The following ZRANB3 variants were observed in gnomAD, a reference collection of about 807,000 sequenced individuals.
ZRANB3 encodes the protein DNA annealing helicase and endonuclease ZRANB3.
ZRANB3 carries 125 observed loss-of-function variants against 133.8 expected under a neutral mutation model. The observed-to-expected ratio is 0.93, with a 90% CI of 0.81 to 1.08. The LOEUF is 1.08. ZRANB3 is among the 50% of genes least tolerant of loss of function. The pLI, the probability that ZRANB3 is intolerant of heterozygous loss-of-function variation, is 0.00. For synonymous variants in ZRANB3, 387 were observed against 432.7 expected (o/e 0.89, Z 1.31); for missense variants, 1,229 against 1,275.5 (o/e 0.96, Z 0.56).
chr2:135,338,178 C>CA lies in ZRANB3; in HGVS notation c.677+7371dup, dbSNP rs199501784. Among the ~76,000 whole-genome samples, 222 of 151,798 alleles carry CA rather than the reference C, an allele frequency of 1.5e-3. 1 individual carries two copies. The East Asian group carries it at 0.028, about 19-fold the overall frequency. On this transcript the variant is annotated intron_variant, in intron 6 of 20. Transcript: ENST00000264159. The stretch of plus-strand genomic sequence containing the variant: ...CAAGAAGTTACATGGATCTAGCATA[C>CA]AAAAAAAACCCAGATCCAGTATTCA...
chr2:135,501,000 C>T (rs764608334), intron 2 of ZRANB3, among the ~76,000 whole-genome samples: 4 of 151,960 alleles, frequency 2.6e-5, no homozygotes, highest in Non-Finnish European at 5.9e-5. Flanking sequence ...GAGGGAATAG[C>T]TGAGAATTTC....
chr2:135,231,682 G>C (rs1348265695), intron 12 of ZRANB3, among the ~76,000 whole-genome samples: 1 of 152,180 alleles, frequency 6.6e-6, no homozygotes, highest in African/African-American at 2.4e-5. Context: ...CAGCTACTCG[G>C]GGAGCTGAGG....
intron 12 of ZRANB3, among the ~76,000 whole-genome samples, chr2:135,245,530 C>A (rs1467912053): frequency 1.3e-5 from 2 of 151,944 alleles, no homozygotes; most frequent in Non-Finnish European, 2.9e-5. Flanking sequence ...TGGCTCAATG[C>A]AACCTCCGCC....
At chr2:135,408,397 C>T (rs1688143715) in intron 2 of ZRANB3, among the ~76,000 whole-genome samples, 2 of 152,156 alleles carry the variant, frequency 1.3e-5, no homozygotes, top group Admixed American at 6.6e-5. Flanking sequence ...CTAGTTCAGC[C>T]ATTGTGGAAA....
chr2:135,530,226 G>A (rs1694438417), intron 1 of ZRANB3, among the ~76,000 whole-genome samples: 6 of 147,488 alleles, frequency 4.1e-5, no homozygotes. Context: ...AAAAAAAAAA[G>A]TGTGTCTGTA....
rs567885235 is a variant in ZRANB3 at position 135,437,445 on chromosome 2, T to A, written c.162-46625A>T. On this transcript the variant is annotated intron_variant, in intron 2 of 20. Coordinates refer to ENST00000264159, the MANE Select transcript of ZRANB3 (RefSeq NM_032143.4). ...ATGATGTACAAAGGCAGAACAGTAG[T>A]TTGGAGATGAGGGAACAGTGACTGG... is the stretch of plus-strand genomic sequence containing the variant. Among the ~76,000 whole-genome samples the A allele has an allele frequency of 1.9e-4, 29 of 152,104 alleles. 1 individual carries two copies. The highest frequency in any genetic ancestry group is 1.7e-3 in the Admixed American group (26 of 15,282).
At chr2:135,367,139 C>T (rs2104894355) in intron 3 of ZRANB3, among the ~76,000 whole-genome samples, 1 of 152,288 alleles carries the variant, frequency 6.6e-6, no homozygotes, top group South Asian at 2.1e-4. Flanking sequence ...TGCTAATTAC[C>T]TTGATATTTG....
intron 12 of ZRANB3, among the ~76,000 whole-genome samples, chr2:135,261,857 A>G (rs984632141): frequency 6.6e-6 from 1 of 152,146 alleles, no homozygotes; most frequent in African/African-American, 2.4e-5. Context: ...TAATATAATA[A>G]GCATTGTTGA....
intron 2 of ZRANB3, among the ~76,000 whole-genome samples, chr2:135,410,616 A>T (rs1688260392): frequency 6.6e-6 from 1 of 152,134 alleles, no homozygotes; most frequent in African/African-American, 2.4e-5. Context: ...TAAATGCAAC[A>T]GAACAAAAAA....
intron 6 of ZRANB3, among the ~76,000 whole-genome samples, chr2:135,333,427 T>G (rs966645697): frequency 2.0e-5 from 3 of 152,194 alleles, no homozygotes; most frequent in African/African-American, 7.2e-5. Context: ...TGAATTTGCC[T>G]GAATATGCAC....
Position 135,265,659 on chromosome 2 carries a change from C to G in ZRANB3, c.1414G>C (p.Gly472Arg), listed in dbSNP as rs942358873. Residue 472 changes from glycine to arginine, a missense_variant, in exon 12 of 21, where the codon GGT (glycine) becomes CGT (arginine). Transcript: ENST00000264159. The part of the protein sequence containing the change: ...KAQVTGSTLN[G>R]RKEKIQAEEG... ...TCAGCCTGAATTTTTTCTTTCCTAC[C>G]GTTCAGTGTGCTCCCTGTAACTTGA... 1 of 1,613,464 alleles carries G rather than the reference C, an allele frequency of 6.2e-7. No homozygotes were observed.
At chr2:135,395,289 A>C (rs969127022) in intron 2 of ZRANB3, among the ~76,000 whole-genome samples, 1 of 152,140 alleles carries the variant, frequency 6.6e-6, no homozygotes, top group Non-Finnish European at 1.5e-5. Context: ...GGAAAACTGG[A>C]TATCTGCATT....
In ZRANB3 at chr2:135,202,970, TAAG is replaced by T; in HGVS notation, c.3010-10_3010-8del. The stretch of plus-strand genomic sequence containing the variant: ...TTCTTATCATTTCATTTAGCTGCAA[TAAG>T]AATACAAGATCAGCAATTTTCAACA... On this transcript the variant is annotated splice_region_variant and splice_polypyrimidine_tract_variant and intron_variant, in intron 19 of 20. Transcript: ENST00000264159. 6.2e-7 allele frequency: 1 copy of T among 1,610,898 alleles called. No homozygotes were observed. The highest frequency in any genetic ancestry group is 8.5e-7 in the Non-Finnish European group (1 of 1,178,440).
At chr2:135,368,558 T>C (rs1224876175) in intron 3 of ZRANB3, among the ~76,000 whole-genome samples, 2 of 151,972 alleles carry the variant, frequency 1.3e-5, no homozygotes, top group African/African-American at 4.8e-5. Flanking sequence ...GGAATCAATA[T>C]TGAAATAAAA....
At chr2:135,264,986 T>A (rs2105111840) in intron 12 of ZRANB3, among the ~76,000 whole-genome samples, 1 of 152,224 alleles carries the variant, frequency 6.6e-6, no homozygotes, top group Admixed American at 6.5e-5. Context: ...TGACCTCAGG[T>A]GATCCGCCTG....
intron 2 of ZRANB3, among the ~76,000 whole-genome samples, chr2:135,482,858 G>A (rs1049920392): frequency 6.6e-6 from 1 of 152,010 alleles, no homozygotes; most frequent in Non-Finnish European, 1.5e-5. Context: ...GGCTTTTTCT[G>A]CATCTATTGA....
Position 135,474,182 on chromosome 2 carries a change from C to T in ZRANB3, c.161+30147G>A, listed in dbSNP as rs1691401162. Among the ~76,000 whole-genome samples, 4 of 152,052 alleles carry T rather than the reference C, an allele frequency of 2.6e-5. No individual in the cohort carries two copies. In the South Asian group the frequency reaches 8.3e-4, roughly 32 times the overall value. Reference sequence around the variant, plus strand: ...CTCTGGCCTGGGAGACAGATCAGGACCCCATCTCAAAAACAAACAAACTGA... The same window carrying T: ...CTCTGGCCTGGGAGACAGATCAGGATCCCATCTCAAAAACAAACAAACTGA... On this transcript the variant is annotated intron_variant, in intron 2 of 20. Coordinates refer to ENST00000264159, the MANE Select transcript of ZRANB3 (RefSeq NM_032143.4).
rs575907957 is a variant in ZRANB3, at chr2:135,434,032, G to A, written c.162-43212C>T. Among the ~76,000 whole-genome samples the A allele has an allele frequency of 3.3e-5, 5 of 151,946 alleles. No homozygotes were observed. The East Asian group carries it at 9.7e-4, about 30-fold the overall frequency. On this transcript the variant is annotated intron_variant, in intron 2 of 20. Coordinates refer to ENST00000264159, the MANE Select transcript of ZRANB3 (RefSeq NM_032143.4). ...AAAAAATTAGCCAGTTGTGGTGGTA[G>A]ATGCCTGTAATCCCGGATGCTCGGG...
At chr2:135,509,816 A>G (rs10198006) in intron 1 of ZRANB3, among the ~76,000 whole-genome samples, 4,827 of 152,270 alleles carry the variant, frequency 0.032, 242 homozygotes, top group African/African-American at 0.11. Context: ...GAAAAGTTCT[A>G]TTCCTTTTAT....
Sources: gnomAD v4.1 joint callset for allele counts (sites outside exome capture counted in the v4.1 genomes callset) on GRCh38, gnomAD v4.1.1 for gene constraint, MANE v1.5 for transcripts, NCBI Gene and HGNC (gene_info 2026-07-23, HGNC 2026-07-21) for gene names.